Variants in CSMD1 observed in about 807,000 individuals in gnomAD.
CSMD1 encodes CUB and Sushi multiple domains 1, also known as CUB and sushi domain-containing protein 1.
In CSMD1, 213 loss-of-function variants were observed where a neutral mutation model predicts 417.5. The observed-to-expected ratio is 0.51, with a 90% CI of 0.46 to 0.57. The LOEUF (loss-of-function observed/expected upper bound fraction) is 0.57, where lower values mean the gene tolerates loss of function less well. Among genes scored for constraint, CSMD1 ranks in the 20% least tolerant of loss-of-function variants. The pLI is 0.00. For synonymous variants in CSMD1, 2,862 were observed against 1,736.8 expected, an observed-to-expected ratio of 1.65 and a Z score of -16.11; for missense variants, 6,923 against 4,529.7, an observed-to-expected ratio of 1.53 and a Z score of -15.17.
chr8:4,181,585 G>A (rs532462943), intron 3 of CSMD1, among the ~76,000 whole-genome samples: 30 of 152,226 alleles, frequency 2.0e-4, no homozygotes, highest in African/African-American at 5.8e-4. Flanking sequence ...TGGGCCACAG[G>A]ATGGAAAAGC....
chr8:3,656,947 A>G (rs536645443), intron 7 of CSMD1, among the ~76,000 whole-genome samples: 1 of 152,236 alleles, frequency 6.6e-6, no homozygotes, highest in East Asian at 1.9e-4. Context: ...GCCTTTAAAA[A>G]TCAGAGACTC....
intron 1 of CSMD1, among the ~76,000 whole-genome samples, chr8:4,887,932 G>C (rs530317718): frequency 2.6e-4 from 39 of 151,936 alleles, no homozygotes; most frequent in Non-Finnish European, 5.0e-4. Flanking sequence ...TATCTAAAGT[G>C]AGTCTCATGT....
chr8:4,818,291 G>A (rs1369769544), intron 1 of CSMD1, among the ~76,000 whole-genome samples: 2 of 151,270 alleles, frequency 1.3e-5, no homozygotes, highest in South Asian at 2.1e-4. Flanking sequence ...GTCTAGAAAA[G>A]CTCGATGAAA....
At chr8:3,571,574 C>A (rs891421119) in intron 10 of CSMD1, among the ~76,000 whole-genome samples, 4 of 152,090 alleles carry the variant, frequency 2.6e-5, no homozygotes, top group African/African-American at 4.8e-5. Context: ...TCCTGTTTCC[C>A]ACACCCACGG....
At chr8:3,790,994 T>C (rs916858167) in intron 5 of CSMD1, among the ~76,000 whole-genome samples, 1 of 152,168 alleles carries the variant, frequency 6.6e-6, no homozygotes, top group African/African-American at 2.4e-5. Flanking sequence ...TATAGGCAAA[T>C]GGAATGCAAC....
In CSMD1 at chr8:4,639,180, C is replaced by G. The variant is rs76700726; in HGVS notation, c.86-1622G>C. On this transcript the variant is annotated intron_variant, in intron 1 of 69. Coordinates refer to ENST00000635120, the MANE Select transcript of CSMD1 (RefSeq NM_033225.6). ...GATTCCCTACTTGCCTGTTTCAGCC[C>G]TTCCCCTTCCCAAGTTACTTCCCAC... Among the ~76,000 whole-genome samples, 662 of 152,112 alleles carry G rather than the reference C, an allele frequency of 4.4e-3. 3 individuals are homozygous for G. Among genetic ancestry groups the G allele is most frequent in the Middle Eastern group, 0.024 (7 of 294 alleles).
chr8:4,097,223 A>G (rs150075435), intron 3 of CSMD1, among the ~76,000 whole-genome samples: 42 of 152,304 alleles, frequency 2.8e-4, no homozygotes, highest in East Asian at 1.7e-3. Flanking sequence ...TTGGAAGGAG[A>G]TAAGTCCCTT....
chr8:4,873,991 T>C (rs1802889255), intron 1 of CSMD1, among the ~76,000 whole-genome samples: 1 of 152,100 alleles, frequency 6.6e-6, no homozygotes, highest in African/African-American at 2.4e-5. Context: ...TCGGAGTAAA[T>C]AACCACTATA....
chr8:4,687,540 G>A (rs552638006), intron 1 of CSMD1, among the ~76,000 whole-genome samples: 72 of 152,158 alleles, frequency 4.7e-4, no homozygotes, highest in African/African-American at 1.6e-3. Context: ...GGTTTATTTG[G>A]GAAATAAGAA....
chr8:3,983,744 G>C (rs895555044), intron 5 of CSMD1, among the ~76,000 whole-genome samples: 4 of 152,290 alleles, frequency 2.6e-5, no homozygotes, highest in East Asian at 3.9e-4. Flanking sequence ...CCCTAGTCTG[G>C]TAGCATCTGA....
chr8:4,905,782 T>C (rs948953408), intron 1 of CSMD1, among the ~76,000 whole-genome samples: 90 of 136,742 alleles, frequency 6.6e-4, no homozygotes, highest in African/African-American at 1.5e-3. Flanking sequence ...ATTGTGCCAC[T>C]GCACTCCAGC....
At position 3,093,130 on chromosome 8, in the gene CSMD1, T is replaced by C. The variant is rs1017337598; in HGVS notation, c.7139-1468A>G. Among the ~76,000 whole-genome samples, 18 of 152,218 alleles carry C rather than the reference T, an allele frequency of 1.2e-4. No homozygotes were observed. The South Asian group carries it at 1.7e-3, about 14-fold the overall frequency. On this transcript the variant is annotated intron_variant, in intron 47 of 69. Transcript: ENST00000635120. ...CTATGAAGTCCTAACCCTCTGGGCT[T>C]GGAAATGTGACTTTAAAGAGAGAGA...
chr8:4,964,283 G>C (rs1254548170), intron 1 of CSMD1, among the ~76,000 whole-genome samples: 2 of 151,832 alleles, frequency 1.3e-5, no homozygotes, highest in South Asian at 2.1e-4. Context: ...GGAGGCAAAG[G>C]GGGGCAAATT....
At chr8:4,090,890 A>G (rs1800682169) in intron 3 of CSMD1, among the ~76,000 whole-genome samples, 3 of 151,918 alleles carry the variant, frequency 2.0e-5, no homozygotes, top group South Asian at 4.2e-4. Context: ...TGTCTACATT[A>G]TTAGTAACAT....
At chr8:3,515,932 C>T (rs982719164) in intron 10 of CSMD1, among the ~76,000 whole-genome samples, 1 of 152,140 alleles carries the variant, frequency 6.6e-6, no homozygotes, top group African/African-American at 2.4e-5. Context: ...ATAATGAATA[C>T]TAGTATGTGT....
chr8:3,892,142 G>A (rs888843792), intron 5 of CSMD1, among the ~76,000 whole-genome samples: 89 of 151,306 alleles, frequency 5.9e-4, no homozygotes, highest in Middle Eastern at 6.8e-3. Flanking sequence ...TATCAGTAAA[G>A]TGAAAGGTAA....
intron 12 of CSMD1, among the ~76,000 whole-genome samples, chr8:3,421,516 A>G (rs1324178058): frequency 1.3e-5 from 2 of 152,256 alleles, no homozygotes; most frequent in Non-Finnish European, 2.9e-5. Context: ...CACTATGAAA[A>G]TAACAATTTT....
chr8:3,570,549 C>G (rs544933125), intron 10 of CSMD1, among the ~76,000 whole-genome samples: 1 of 99,440 alleles, frequency 1.0e-5, no homozygotes, highest in East Asian at 2.3e-4. Context: ...GAAATATTGT[C>G]TCCGCTCTAG....
rs1172040830 is a variant in CSMD1 at position 3,268,287 on chromosome 8, C to CTTTTTTTTT, written c.4153+15856_4153+15857insAAAAAAAAA. On this transcript the variant is annotated intron_variant, in intron 26 of 69. Transcript: ENST00000635120. ...AGGGTGTGGTCAGATGGTTCATTTC[C>CTTTTTTTTT]TATTTTTTTTTTTTTTTTTTTTTTT... Among the ~76,000 whole-genome samples, 122 of 114,622 alleles carry CTTTTTTTTT rather than the reference C, an allele frequency of 1.1e-3. 8 individuals are homozygous for CTTTTTTTTT. The highest frequency in any genetic ancestry group is 1.3e-3 in the East Asian group (5 of 3,908). 75.2% of individuals were successfully genotyped at this position (114,622 alleles called of 152,430 possible).
Sources: gnomAD v4.1 joint callset for allele counts (sites outside exome capture counted in the v4.1 genomes callset) on GRCh38, gnomAD v4.1.1 for gene constraint, MANE v1.5 for transcripts, NCBI Gene and HGNC (gene_info 2026-07-23, HGNC 2026-07-21) for gene names.